The following ZRANB3 variants were observed in gnomAD, a reference collection of about 807,000 sequenced individuals.
ZRANB3 encodes the protein DNA annealing helicase and endonuclease ZRANB3.
ZRANB3 carries 125 observed loss-of-function variants against 133.8 expected under a neutral mutation model. The observed-to-expected ratio is 0.93, with a 90% CI of 0.81 to 1.08. The LOEUF is 1.08. Ranked by LOEUF, ZRANB3 falls within the 50% of genes least tolerant of loss-of-function variation. The pLI is 0.00. For synonymous variants in ZRANB3, 387 were observed against 432.7 expected, an observed-to-expected ratio of 0.89 and a Z score of 1.31; for missense variants, 1,229 against 1,275.5, an observed-to-expected ratio of 0.96 and a Z score of 0.56.
At chr2:135,234,577 A>C (rs1695201405) in intron 12 of ZRANB3, among the ~76,000 whole-genome samples, 1 of 152,242 alleles carries the variant, frequency 6.6e-6, no homozygotes, top group Admixed American at 6.5e-5. Flanking sequence ...AACAGAAATT[A>C]TAACAAACTG....
intron 3 of ZRANB3, among the ~76,000 whole-genome samples, chr2:135,373,191 T>C (rs551428469): frequency 6.6e-6 from 1 of 152,300 alleles, no homozygotes; most frequent in Non-Finnish European, 1.5e-5. Flanking sequence ...AAAAATTCAT[T>C]CATTTGTTCA....
chr2:135,227,230 T>A (rs1363429414), intron 14 of ZRANB3, among the ~76,000 whole-genome samples: 6 of 152,182 alleles, frequency 3.9e-5, no homozygotes, highest in Admixed American at 3.9e-4. Context: ...ACATACAGGC[T>A]AGTATTTGCT....
intron 2 of ZRANB3, among the ~76,000 whole-genome samples, chr2:135,424,589 C>T (rs1688993600): frequency 6.6e-6 from 1 of 151,992 alleles, no homozygotes; most frequent in African/African-American, 2.4e-5. Context: ...AAAAATTAGC[C>T]GAGCATGGTG....
chr2:135,522,350 C>T (rs183222710), intron 1 of ZRANB3, among the ~76,000 whole-genome samples: 2 of 152,144 alleles, frequency 1.3e-5, no homozygotes, highest in Non-Finnish European at 2.9e-5. Flanking sequence ...TACGAGCAAG[C>T]CTCCGATGCT....
chr2:135,201,154 A>G (rs150914230), intron 20 of ZRANB3, among the ~76,000 whole-genome samples: 2 of 152,310 alleles, frequency 1.3e-5, no homozygotes, highest in East Asian at 3.9e-4. Context: ...CCAGAACTGG[A>G]TTCTTCTGCT....
At chr2:135,298,603 C>A (rs1161679706) in intron 8 of ZRANB3, among the ~76,000 whole-genome samples, 1 of 152,108 alleles carries the variant, frequency 6.6e-6, no homozygotes, top group African/African-American at 2.4e-5. Flanking sequence ...TGGGTCTAGC[C>A]ACCCCAGTAG....
chr2:135,291,429 C>G (rs1172699288), intron 8 of ZRANB3, among the ~76,000 whole-genome samples: 1 of 148,124 alleles, frequency 6.8e-6, no homozygotes, highest in Non-Finnish European at 1.5e-5. Flanking sequence ...GTGATCCAGC[C>G]CCCTCGGCCT....
Position 135,227,795 on chromosome 2 carries a change from A to G in ZRANB3, c.2158+17T>C. On this transcript the variant is annotated intron_variant, in intron 14 of 20. Transcript: ENST00000264159. Reference sequence around the variant, plus strand: ...TATGGTTATTACTTGGATGCTAGAAATGGAAACAAGACTTACCATTACCTG... The same window carrying G: ...TATGGTTATTACTTGGATGCTAGAAGTGGAAACAAGACTTACCATTACCTG... 2 of 1,560,516 alleles carry G rather than the reference A, an allele frequency of 1.3e-6. No homozygotes were observed. Among genetic ancestry groups the G allele is most frequent in the East Asian group, 2.3e-5 (1 of 42,572 alleles).
rs1373301289 is a variant in ZRANB3 at position 135,406,650 on chromosome 2, T to C, written c.162-15830A>G. Among the ~76,000 whole-genome samples, 3 of 152,218 alleles carry C rather than the reference T, an allele frequency of 2.0e-5. No individual in the cohort carries two copies. In the East Asian group the frequency reaches 5.8e-4, roughly 29 times the overall value. ...GATCAAGTGGGCTTCATCCCTGGGA[T>C]GCAAGGTTGGTTCAACATACGAAAA... is the stretch of plus-strand genomic sequence containing the variant. On this transcript the variant is annotated intron_variant, in intron 2 of 20. Transcript: ENST00000264159.
chr2:135,379,551 G>A lies in ZRANB3; in HGVS notation c.180+11251C>T, dbSNP rs149444338. The stretch of plus-strand genomic sequence containing the variant: ...TTAATTAACCCAGAATTTCATATCC[G>A]GCCAAACTAAGCTTCACAAGTGAAG... On this transcript the variant is annotated intron_variant, in intron 3 of 20. Coordinates refer to ENST00000264159, the MANE Select transcript of ZRANB3 (RefSeq NM_032143.4). Among the ~76,000 whole-genome samples, 186 of 152,000 alleles carry A rather than the reference G, an allele frequency of 1.2e-3. 1 individual carries two copies. The highest frequency in any genetic ancestry group is 4.3e-3 in the African/African-American group (177 of 41,456).
At chr2:135,444,675 T>C (rs576199269) in intron 2 of ZRANB3, among the ~76,000 whole-genome samples, 1 of 152,204 alleles carries the variant, frequency 6.6e-6, no homozygotes. Flanking sequence ...AAGGATTGAC[T>C]GAGTACAAAG....
At chr2:135,486,967 T>G (rs1051423856) in intron 2 of ZRANB3, among the ~76,000 whole-genome samples, 4 of 152,230 alleles carry the variant, frequency 2.6e-5, no homozygotes, top group African/African-American at 9.6e-5. Context: ...GGTTTAAAAT[T>G]TAGTCTGCCC....
intron 2 of ZRANB3, among the ~76,000 whole-genome samples, chr2:135,478,737 A>C (rs1190550078): frequency 6.6e-6 from 1 of 152,092 alleles, no homozygotes; most frequent in African/African-American, 2.4e-5. Context: ...CAGAGTGGAT[A>C]GACAGCTGAA....
At chr2:135,238,427 CTT>C (rs1397634702) in intron 12 of ZRANB3, among the ~76,000 whole-genome samples, 1 of 144,910 alleles carries the variant, frequency 6.9e-6, no homozygotes, top group Admixed American at 7.1e-5. Flanking sequence ...GAGTTTCACT[CTT>C]GTCTCCCAGG....
chr2:135,393,286 A>C (rs548216742), intron 2 of ZRANB3, among the ~76,000 whole-genome samples: 3 of 152,200 alleles, frequency 2.0e-5, no homozygotes, highest in Admixed American at 6.5e-5. Context: ...AGAAAACTAA[A>C]AAGCAATACT....
intron 2 of ZRANB3, among the ~76,000 whole-genome samples, chr2:135,488,570 G>A (rs1692228306): frequency 6.6e-6 from 1 of 150,616 alleles, no homozygotes; most frequent in Non-Finnish European, 1.5e-5. Context: ...ATACTATATA[G>A]CATAATTTGT....
chr2:135,383,197 T>C (rs1260911492), intron 3 of ZRANB3, among the ~76,000 whole-genome samples: 1 of 152,150 alleles, frequency 6.6e-6, no homozygotes, highest in African/African-American at 2.4e-5. Flanking sequence ...GTTGCAATCC[T>C]AGTCTCTGAT....
At chr2:135,224,258 G>C (rs552798657) in intron 15 of ZRANB3, among the ~76,000 whole-genome samples, 168 bp downstream of exon 15, 1 of 152,248 alleles carries the variant, frequency 6.6e-6, no homozygotes, top group East Asian at 1.9e-4. Context: ...AAGACGTGTG[G>C]TTTTACCTCT....
chr2:135,349,824 C>T (rs1353564407), intron 5 of ZRANB3, among the ~76,000 whole-genome samples, 160 bp downstream of exon 5: 3 of 152,142 alleles, frequency 2.0e-5, no homozygotes, highest in African/African-American at 7.2e-5. Context: ...ATTAAAATAG[C>T]CATGATAAAA....
Sources: allele counts gnomAD v4.1 joint callset (sites outside exome capture counted in the v4.1 genomes callset), GRCh38; gene constraint gnomAD v4.1.1; transcripts MANE v1.5; gene names NCBI Gene and HGNC (gene_info 2026-07-23, HGNC 2026-07-21).